The following DGKI variants were observed in gnomAD, a reference collection of about 807,000 sequenced individuals.
DGKI encodes the protein diacylglycerol kinase iota.
DGKI carries 55 observed loss-of-function variants against 147.5 expected under a neutral mutation model. The observed-to-expected ratio is 0.37, with a 90% CI of 0.30 to 0.47. The LOEUF is 0.47. DGKI is among the 20% of genes least tolerant of loss of function. DGKI has a pLI of 1.00. For missense variants in DGKI, 1,007 were observed against 1,323.8 expected (o/e 0.76, Z 3.71); for synonymous variants, 469 against 477.1 (o/e 0.98, Z 0.22).
intron 6 of DGKI, among the ~76,000 whole-genome samples, chr7:137,629,787 A>T (rs1450433706): frequency 6.6e-6 from 1 of 152,144 alleles, no homozygotes; most frequent in South Asian, 2.1e-4. Context: ...TTTTCTGCTG[A>T]TATGTGTACC....
chr7:137,473,068 C>T (rs1479267958), intron 23 of DGKI, among the ~76,000 whole-genome samples: 1 of 152,130 alleles, frequency 6.6e-6, no homozygotes, highest in Non-Finnish European at 1.5e-5. Flanking sequence ...GCCTCAGCAA[C>T]ATGACTACCA....
chr7:137,434,522 A>G (rs1813208672), intron 28 of DGKI, among the ~76,000 whole-genome samples: 1 of 152,224 alleles, frequency 6.6e-6, no homozygotes, highest in Non-Finnish European at 1.5e-5. Flanking sequence ...CGGAGGTTGC[A>G]GTGAGCCGAG....
In DGKI at chr7:137,382,253, G is replaced by A. The variant is rs1811077810; in HGVS notation, c.*8967C>T. 2 of 152,010 alleles carry A rather than the reference G, an allele frequency of 1.3e-5. No individual in the cohort carries two copies. The highest frequency in any genetic ancestry group is 2.9e-5 in the Non-Finnish European group (2 of 67,976). 9.4% of individuals were successfully genotyped at this position (152,010 alleles called of 1,614,324 possible). On this transcript the variant is annotated 3_prime_UTR_variant, in exon 33 of 33. Coordinates refer to ENST00000614521, the MANE Select transcript of DGKI (RefSeq NM_001321708.2). ...TATCTATCATTTTTAAGAGGAAAAT[G>A]TATATTTAAACCCAAAATAACAAGG...
chr7:137,605,737 C>A (rs557729631), intron 10 of DGKI, among the ~76,000 whole-genome samples: 1 of 152,270 alleles, frequency 6.6e-6, no homozygotes, highest in African/African-American at 2.4e-5. Flanking sequence ...TGTTCTCACT[C>A]ATATGTAGTA....
chr7:137,842,967 A>G (rs1419770507), intron 1 of DGKI, among the ~76,000 whole-genome samples: 2 of 152,314 alleles, frequency 1.3e-5, no homozygotes, highest in Non-Finnish European at 2.9e-5. Flanking sequence ...CAAGCCTAAA[A>G]TAAATGTTTA....
chr7:137,830,092 T>G (rs1798175086), intron 1 of DGKI, among the ~76,000 whole-genome samples: 1 of 152,304 alleles, frequency 6.6e-6, no homozygotes, highest in East Asian at 1.9e-4. Context: ...AAGTAAACAT[T>G]TAGCCAAGCT....
chr7:137,772,327 G>A (rs1330033226), intron 1 of DGKI: 3 of 152,284 alleles, frequency 2.0e-5, no homozygotes, highest in Non-Finnish European at 4.4e-5. Context: ...CTTTTGGTCT[G>A]TTCTGTCTCC....
At position 137,387,274 on chromosome 7, in the gene DGKI, G is replaced by A. The variant is rs1289376382; in HGVS notation, c.*3946C>T. ...GCTATGGTAGGTTTCATGCTTCATG[G>A]AAGGCAACATAAACAATTACAGGAA... On this transcript the variant is annotated 3_prime_UTR_variant, in exon 33 of 33. Transcript: ENST00000614521. 6.6e-6 allele frequency: 1 copy of A among 152,108 alleles called. No individual in the cohort carries two copies. Among genetic ancestry groups the A allele is most frequent in the Non-Finnish European group, 1.5e-5 (1 of 67,998 alleles). The allele number at this position is 152,108 out of a possible 1,614,324, so 9.4% of individuals were successfully genotyped here.
At chr7:137,830,120 G>A (rs192063473) in intron 1 of DGKI, among the ~76,000 whole-genome samples, 4 of 152,320 alleles carry the variant, frequency 2.6e-5, no homozygotes, top group Non-Finnish European at 4.4e-5. Flanking sequence ...CCAGTCTTAA[G>A]TGAAATGGCT....
At chr7:137,428,876 C>A in intron 28 of DGKI, among the ~76,000 whole-genome samples, 1 of 152,104 alleles carries the variant, frequency 6.6e-6, no homozygotes, top group Non-Finnish European at 1.5e-5. Context: ...AGGAGAACTA[C>A]AAACAACTGC....
chr7:137,680,752 G>A (rs1823206575), intron 2 of DGKI, among the ~76,000 whole-genome samples: 1 of 151,868 alleles, frequency 6.6e-6, no homozygotes, highest in South Asian at 2.1e-4. Context: ...TTGCACTCCA[G>A]TCTGGGCAAT....
intron 20 of DGKI, among the ~76,000 whole-genome samples, chr7:137,525,719 T>C (rs1486800025): frequency 2.0e-5 from 3 of 152,196 alleles, no homozygotes; most frequent in Non-Finnish European, 4.4e-5. Context: ...TTGTCAGTGC[T>C]CAATAGATTT....
intron 6 of DGKI, among the ~76,000 whole-genome samples, chr7:137,643,163 C>T (rs370586408): frequency 2.6e-4 from 40 of 151,434 alleles, no homozygotes; most frequent in African/African-American, 9.2e-4. Context: ...TGTTGGCGGG[C>T]GCCTGTAGTC....
chr7:137,568,604 C>G (rs1818674721), intron 19 of DGKI, among the ~76,000 whole-genome samples: 1 of 152,200 alleles, frequency 6.6e-6, no homozygotes, highest in Non-Finnish European at 1.5e-5. Context: ...TATTTATGTC[C>G]CTGGCTTGCT....
rs551777407 is a variant in DGKI at position 137,580,890 on chromosome 7, C to A, written c.1642+960G>T. Among the ~76,000 whole-genome samples the A allele has an allele frequency of 3.9e-5, 6 of 152,214 alleles. No individual in the cohort carries two copies. In the South Asian group the frequency reaches 1.2e-3, roughly 32 times the overall value. On this transcript the variant is annotated intron_variant, in intron 15 of 32. Transcript: ENST00000614521. ...CTGGAGGGAAAAAAGTAAAGTACTT[C>A]TCATTTATGACTTTATCTCACAAGT... is the stretch of plus-strand genomic sequence containing the variant.
At chr7:137,507,173 A>G (rs1047357158) in intron 21 of DGKI, among the ~76,000 whole-genome samples, 1 of 152,190 alleles carries the variant, frequency 6.6e-6, no homozygotes, top group African/African-American at 2.4e-5. Context: ...AGAACTTTAT[A>G]CCTTGCCATG....
Position 137,523,434 on chromosome 7 carries a change from TTCTC to T in DGKI, c.2148-1472_2148-1469del, listed in dbSNP as rs372390366. ...CACACATGGTGCATTCTCTCTCTCT[TTCTC>T]TCTCTCTCTCTCTCACACACACACA... On this transcript the variant is annotated intron_variant, in intron 20 of 32. Transcript: ENST00000614521. 7.1e-4 allele frequency among the ~76,000 whole-genome samples: 107 copies of T among 150,164 alleles called. No homozygotes were observed. In the South Asian group the frequency reaches 0.019, roughly 27 times the overall value.
In DGKI at chr7:137,529,667, C is replaced by T. The variant is rs542562156; in HGVS notation, c.2148-7701G>A. 9.1e-4 allele frequency among the ~76,000 whole-genome samples: 139 copies of T among 152,300 alleles called. 1 individual carries two copies. The highest frequency in any genetic ancestry group is 3.1e-3 in the African/African-American group (127 of 41,580). ...TGAATGATATTTCAAATTCTTCTGG[C>T]CACCTGTTTCCTTTTGTGGCAGTGA... On this transcript the variant is annotated intron_variant, in intron 20 of 32. Coordinates refer to ENST00000614521, the MANE Select transcript of DGKI (RefSeq NM_001321708.2).
intron 14 of DGKI, among the ~76,000 whole-genome samples, chr7:137,582,434 C>CTATATATA (rs1554436072): frequency 2.7e-5 from 4 of 148,382 alleles, no homozygotes; most frequent in African/African-American, 1.0e-4. Context: ...CTCTCTCTCT[C>CTATATATA]TATATATATA....
Sources: allele counts gnomAD v4.1 joint callset (sites outside exome capture counted in the v4.1 genomes callset), GRCh38; gene constraint gnomAD v4.1.1; transcripts MANE v1.5; gene names NCBI Gene and HGNC (gene_info 2026-07-23, HGNC 2026-07-21).